The following WASHC3 variants were observed in gnomAD, a reference collection of about 807,000 sequenced individuals.
The protein encoded by WASHC3 is WASH complex subunit CCDC53.
Under a neutral mutation model 26.1 loss-of-function variants are expected in WASHC3, and 24 were observed. The observed-to-expected ratio is 0.92, with a 90% CI of 0.66 to 1.29. The LOEUF (loss-of-function observed/expected upper bound fraction) is 1.29, where lower values mean the gene tolerates loss of function less well. Ranked by LOEUF, WASHC3 falls within the 50% of genes most tolerant of loss-of-function variation. WASHC3 has a pLI of 0.00. For missense variants in WASHC3, 214 were observed against 229.6 expected, an observed-to-expected ratio of 0.93 and a Z score of 0.44; for synonymous variants, 77 against 75.7, an observed-to-expected ratio of 1.02 and a Z score of -0.09.
intron 4 of WASHC3, among the ~76,000 whole-genome samples, chr12:102,043,140 T>C (rs970440459): frequency 6.6e-6 from 1 of 152,198 alleles, no homozygotes; most frequent in African/African-American, 2.4e-5. Context: ...TAGATTCTCA[T>C]CAGCAGTTTT....
Position 102,012,957 on chromosome 12 carries a change from G to A in WASHC3, c.*151C>T, listed in dbSNP as rs914821428. The A allele has an allele frequency of 4.0e-5, 20 of 506,058 alleles. 1 individual carries two copies. Among genetic ancestry groups the A allele is most frequent in the Admixed American group, 7.5e-5 (2 of 26,798 alleles). 31.3% of individuals were successfully genotyped at this position (506,058 alleles called of 1,614,324 possible). A position where few individuals can be genotyped will look rare whatever the true frequency, so the allele number is the denominator to read the frequency against. On this transcript the variant is annotated 3_prime_UTR_variant, in exon 7 of 7. Transcript: ENST00000240079. ...CAAGACATACTGGCAGGTTAAAACTGCTTTATTATTATTTTTTTAACATAG... is the reference window on the plus strand; with the variant it reads ...CAAGACATACTGGCAGGTTAAAACTACTTTATTATTATTTTTTTAACATAG...
intron 2 of WASHC3, among the ~76,000 whole-genome samples, chr12:102,053,577 T>G (rs1237794401): frequency 6.6e-6 from 1 of 152,184 alleles, no homozygotes; most frequent in African/African-American, 2.4e-5. Context: ...ACGTCACTAC[T>G]AAAGAAACAA....
At chr12:102,017,172 T>C (rs188052627) in intron 6 of WASHC3, among the ~76,000 whole-genome samples, 14 of 152,354 alleles carry the variant, frequency 9.2e-5, no homozygotes, top group African/African-American at 3.4e-4. Context: ...TGTCATTGTG[T>C]TACAATTGCC....
intron 3 of WASHC3, among the ~76,000 whole-genome samples, chr12:102,045,444 A>G (rs902476941): frequency 6.6e-6 from 1 of 152,212 alleles, no homozygotes; most frequent in Admixed American, 6.5e-5. Context: ...TAACTTCAGG[A>G]AAGTTAGTCA....
chr12:102,047,748 G>T (rs1878222664), intron 2 of WASHC3, among the ~76,000 whole-genome samples: 1 of 152,004 alleles, frequency 6.6e-6, no homozygotes, highest in East Asian at 1.9e-4. Flanking sequence ...CAAAAAAATG[G>T]AATTAAAAAT....
chr12:102,050,589 G>A (rs973963830), intron 2 of WASHC3: 25 of 454,360 alleles, frequency 5.5e-5, no homozygotes, highest in African/African-American at 1.6e-4. Flanking sequence ...GTTGCCCTGA[G>A]CTGTGATCAC....
At chr12:102,056,782 C>T (rs1878608448) in intron 2 of WASHC3, among the ~76,000 whole-genome samples, 1 of 152,048 alleles carries the variant, frequency 6.6e-6, no homozygotes, top group South Asian at 2.1e-4. Flanking sequence ...TTAAGTCTCC[C>T]ACTAAACAAA....
chr12:102,058,097 T>C lies in WASHC3; in HGVS notation c.150+3151A>G, dbSNP rs888795054. 9.2e-5 allele frequency among the ~76,000 whole-genome samples: 14 copies of C among 152,212 alleles called. 1 individual carries two copies. The highest frequency in any genetic ancestry group is 1.3e-4 in the Admixed American group (2 of 15,288). ...AATAAATCCATGCATTTAAAGTCAA[T>C]TGATTTTTGAGAAAGATGTTAAGAA... On this transcript the variant is annotated intron_variant, in intron 2 of 6. Transcript: ENST00000240079.
At chr12:102,061,482 T>C in intron 1 of WASHC3, 136 bp from the exon 2 acceptor site, 1 of 663,720 alleles carries the variant, frequency 1.5e-6, no homozygotes, top group Non-Finnish European at 2.7e-6. Flanking sequence ...AGTCATTAAC[T>C]TGTTTCCTAA....
chr12:102,040,221 TTCA>T (rs1877885037), intron 4 of WASHC3: 1 of 223,892 alleles, frequency 4.5e-6, no homozygotes, highest in Admixed American at 5.6e-5. Flanking sequence ...TGCAAGTATA[TTCA>T]TGCATTAAAA....
rs767768052 is a variant in WASHC3 at position 102,044,229 on chromosome 12, A to G, written c.217-17T>C. On this transcript the variant is annotated splice_polypyrimidine_tract_variant and intron_variant, in intron 3 of 6. Transcript: ENST00000240079. ...AGATGACAACTGAGAAAAGAAAATT[A>G]GTATTGGAATATGAAGATAGTACTT... The G allele has an allele frequency of 7.4e-7, 1 of 1,353,856 alleles. No individual in the cohort carries two copies. Among genetic ancestry groups the G allele is most frequent in the Non-Finnish European group, 1.0e-6 (1 of 959,224 alleles). 83.9% of individuals were successfully genotyped at this position (1,353,856 alleles called of 1,614,324 possible).
intron 5 of WASHC3, among the ~76,000 whole-genome samples, chr12:102,035,721 T>A (rs1877626613): frequency 6.6e-6 from 1 of 152,202 alleles, no homozygotes; most frequent in African/African-American, 2.4e-5. Flanking sequence ...GGTGTTAAAA[T>A]GAATACACGG....
intron 6 of WASHC3, among the ~76,000 whole-genome samples, chr12:102,018,360 A>C (rs1876800336): frequency 6.6e-6 from 1 of 152,126 alleles, no homozygotes; most frequent in Non-Finnish European, 1.5e-5. Context: ...TCTATTTTTA[A>C]TTTTTTAAGG....
intron 2 of WASHC3, among the ~76,000 whole-genome samples, chr12:102,056,819 C>T (rs1354187231): frequency 6.6e-6 from 1 of 152,160 alleles, no homozygotes; most frequent in Non-Finnish European, 1.5e-5. Context: ...GCCTTCACTA[C>T]TGAATTCTAC....
chr12:102,057,015 C>G (rs1339061230), intron 2 of WASHC3, among the ~76,000 whole-genome samples: 1 of 152,128 alleles, frequency 6.6e-6, no homozygotes, highest in East Asian at 1.9e-4. Flanking sequence ...CAAAAATCCT[C>G]TACAAAATAC....
Position 102,061,291 on chromosome 12 carries a change from T to G in WASHC3, c.107A>C (p.His36Pro). 1 of 1,613,952 alleles carries G rather than the reference T, an allele frequency of 6.2e-7. No individual in the cohort carries two copies. Among genetic ancestry groups the G allele is most frequent in the Non-Finnish European group, 8.5e-7 (1 of 1,179,860 alleles). ...TVAFLNQFVV[H>P]TVQFLNRFST... ...AAAGCGGTTGAGGAACTGTACAGTG[T>G]GCACCACAAATTGGTTTAGAAAAGC... is the stretch of plus-strand genomic sequence containing the variant. The change falls in exon 2 of 7, where the codon CAC becomes CCC. Residue 36 changes from histidine to proline, a missense_variant. His to Pro is a moderately conservative substitution (Grantham distance 77, BLOSUM62 -2). Transcript: ENST00000240079.
chr12:102,017,394 T>C (rs1182580421), intron 6 of WASHC3, among the ~76,000 whole-genome samples: 1 of 152,036 alleles, frequency 6.6e-6, no homozygotes, highest in Non-Finnish European at 1.5e-5. Flanking sequence ...AAAGAAAAAA[T>C]AGTCTGCTGA....
intron 2 of WASHC3, among the ~76,000 whole-genome samples, chr12:102,047,967 A>G (rs1483596973): frequency 6.6e-6 from 1 of 152,198 alleles, no homozygotes; most frequent in African/African-American, 2.4e-5. Context: ...CCTGAACTCA[A>G]ACCCTCCAAC....
chr12:102,059,514 C>T (rs1460219613), intron 2 of WASHC3: 1 of 151,908 alleles, frequency 6.6e-6, no homozygotes, highest in East Asian at 1.9e-4. Context: ...ACTCATGAGG[C>T]TTTGATCATA....
Sources: gnomAD v4.1 joint callset for allele counts (sites outside exome capture counted in the v4.1 genomes callset) on GRCh38, gnomAD v4.1.1 for gene constraint, MANE v1.5 for transcripts, NCBI Gene and HGNC (gene_info 2026-07-23, HGNC 2026-07-21) for gene names.